The following CSRP2 variants were observed in gnomAD, a reference collection of about 807,000 sequenced individuals.
CSRP2 encodes cysteine and glycine rich protein 2.
In CSRP2, 18 loss-of-function variants were observed where a neutral mutation model predicts 24.6. The observed-to-expected ratio is 0.73, with a 90% CI of 0.51 to 1.09. The LOEUF (loss-of-function observed/expected upper bound fraction) is 1.09. Ranked by LOEUF, CSRP2 falls within the 50% of genes least tolerant of loss-of-function variation. The pLI is 0.00. For synonymous variants in CSRP2, 87 were observed against 84.3 expected (o/e 1.03, Z -0.18); for missense variants, 215 against 239.4 (o/e 0.90, Z 0.67).
At chr12:76,873,285 G>GT (rs1953819562) in intron 1 of CSRP2, among the ~76,000 whole-genome samples, 4 of 152,216 alleles carry the variant, frequency 2.6e-5, no homozygotes, top group Non-Finnish European at 1.5e-5. Context: ...GTTAAAGAAT[G>GT]TAAGTTAGTA....
chr12:76,859,597 C>T lies in CSRP2; in HGVS notation c.455G>A (p.Ser152Asn), dbSNP rs1448856257. The T allele has an allele frequency of 3.1e-6, 5 of 1,613,184 alleles. No homozygotes were observed. Among genetic ancestry groups the T allele is most frequent in the Non-Finnish European group, 3.4e-6 (4 of 1,179,880 alleles). ...TTCAGTCAGAGTTGTTGATTCAAGA[C>T]TCTTCCCACACTTTGCACATCGGAA... is the stretch of plus-strand genomic sequence containing the variant. Reference protein sequence around the residue: ...NCFRCAKCGKSLESTTLTEKE... With the variant: ...NCFRCAKCGKNLESTTLTEKE... The change falls in exon 5 of 6, where the codon AGT becomes AAT. Residue 152 changes from serine (S) to asparagine (N), a missense_variant. Transcript: ENST00000311083.
chr12:76,858,850 T>G lies in CSRP2; in HGVS notation c.*102A>C. On this transcript the variant is annotated 3_prime_UTR_variant, in exon 6 of 6. Coordinates refer to ENST00000311083, the MANE Select transcript of CSRP2 (RefSeq NM_001321.3). ...CCAAGTACAGGGCGATATACAGTACTTAATGCTGGTAGAATTTCACAGTAG... is the reference window on the plus strand; with the variant it reads ...CCAAGTACAGGGCGATATACAGTACGTAATGCTGGTAGAATTTCACAGTAG... The G allele has an allele frequency of 3.7e-6, 4 of 1,090,460 alleles. No individual in the cohort carries two copies. The highest frequency in any genetic ancestry group is 5.6e-6 in the Non-Finnish European group (4 of 716,578). 67.5% of individuals were successfully genotyped at this position (1,090,460 alleles called of 1,614,324 possible). A position where few individuals can be genotyped will look rare whatever the true frequency, so the allele number is the denominator to read the frequency against.
chr12:76,865,270 G>A (rs1005878759), intron 2 of CSRP2, among the ~76,000 whole-genome samples: 1 of 152,144 alleles, frequency 6.6e-6, no homozygotes, highest in African/African-American at 2.4e-5. Flanking sequence ...TTGGTTACAA[G>A]CCTGCTGAAA....
intron 1 of CSRP2, among the ~76,000 whole-genome samples, chr12:76,868,911 C>T (rs781287694): frequency 8.6e-4 from 120 of 139,356 alleles, no homozygotes; most frequent in Non-Finnish European, 1.6e-3. Flanking sequence ...CCAGCCTGGG[C>T]GACAGAGCGA....
intron 1 of CSRP2, among the ~76,000 whole-genome samples, chr12:76,868,977 G>T (rs1487188545): frequency 6.6e-6 from 1 of 151,858 alleles, no homozygotes; most frequent in Non-Finnish European, 1.5e-5. Context: ...GTTTTAGATG[G>T]TACTGACTCT....
chr12:76,862,935 C>G (rs535477155), intron 3 of CSRP2: 22 of 1,508,990 alleles, frequency 1.5e-5, no homozygotes, highest in African/African-American at 2.8e-5. Context: ...TTTGAGAACA[C>G]GACTCCTTGA....
intron 2 of CSRP2, 169 bp downstream of exon 2, chr12:76,865,980 T>C (rs1953730803): frequency 3.3e-6 from 2 of 600,846 alleles, no homozygotes; most frequent in East Asian, 2.9e-5. Flanking sequence ...CCACCCCTCC[T>C]GTCTTCGCTG....
intron 3 of CSRP2, 155 bp downstream of exon 3, chr12:76,863,019 ACT>A: frequency 7.0e-7 from 1 of 1,437,390 alleles, no homozygotes; most frequent in East Asian, 2.5e-5. Context: ...TAGGTCCAAA[ACT>A]CAATATTTTG....
rs773625473 is a variant in CSRP2, at chr12:76,860,313, C to T, written c.382G>A (p.Ala128Thr). The T allele has an allele frequency of 6.2e-7, 1 of 1,614,058 alleles. No individual in the cohort carries two copies. The highest frequency in any genetic ancestry group is 8.5e-7 in the Non-Finnish European group (1 of 1,179,988). The change falls in exon 4 of 6, where the codon GCT becomes ACT. Residue 128 changes from alanine to threonine, a missense_variant. Ala to Thr is a moderately conservative substitution (Grantham distance 58). Coordinates refer to ENST00000311083, the MANE Select transcript of CSRP2 (RefSeq NM_001321.3). ...CCAGCTCCAATTATCTTCTCGGCAG[C>T]ATATACAGAATCCCCACATCTGGAA... ...KCSRCGDSVY[A>T]AEKIIGAGKP...
chr12:76,859,658 G>A lies in CSRP2; in HGVS notation c.412-18C>T. 1 of 1,594,882 alleles carries A rather than the reference G, an allele frequency of 6.3e-7. No individual in the cohort carries two copies. Among genetic ancestry groups the A allele is most frequent in the Non-Finnish European group, 8.6e-7 (1 of 1,166,340 alleles). On this transcript the variant is annotated intron_variant, in intron 4 of 5. Coordinates refer to ENST00000311083, the MANE Select transcript of CSRP2 (RefSeq NM_001321.3). ...TGCCAGGGCTGGAAGAGATGAATGT[G>A]TCAGCATGTTTGAGAGGCCTGTTTC...
At chr12:76,878,659 A>G (rs1953875723) in intron 1 of CSRP2, among the ~76,000 whole-genome samples, 1 of 152,202 alleles carries the variant, frequency 6.6e-6, no homozygotes, top group African/African-American at 2.4e-5. Flanking sequence ...AGGTCATATA[A>G]GATTATTTAC....
At chr12:76,867,332 TAAAAAAAAAAAAAA>T (rs33997080) in intron 1 of CSRP2, among the ~76,000 whole-genome samples, 2 of 100,162 alleles carry the variant, frequency 2.0e-5, no homozygotes, top group Non-Finnish European at 1.9e-5. Context: ...CTGCTAAATT[TAAAAAAAAAAAAAA>T]AAAAAAAAAA....
At chr12:76,872,471 C>A (rs898881447) in intron 1 of CSRP2, among the ~76,000 whole-genome samples, 3 of 152,252 alleles carry the variant, frequency 2.0e-5, no homozygotes, top group African/African-American at 7.2e-5. Flanking sequence ...GCCAGGCCAG[C>A]AACCTTTGAT....
At chr12:76,862,888 G>C (rs1459181302) in intron 3 of CSRP2, 7 of 1,530,576 alleles carry the variant, frequency 4.6e-6, no homozygotes, top group Non-Finnish European at 6.1e-6. Context: ...CGGTCTCCAA[G>C]GTGCTGTGAA....
At chr12:76,862,625 C>G (rs1213594231) in intron 3 of CSRP2, 1 of 761,402 alleles carries the variant, frequency 1.3e-6, no homozygotes, top group Non-Finnish European at 1.8e-6. Flanking sequence ...TGAACTTTCA[C>G]AAATTTAGCA....
At position 76,863,298 on chromosome 12, in the gene CSRP2, A is replaced by T; in HGVS notation, c.159T>A (p.Asp53Glu). ...NLDSTTVAIH[D>E]EEIYCKSCYG... is the part of the protein sequence containing the mutation. ...AGCAGGATTTGCAGTAGATCTCTTC[A>T]TCGTGAATTGCCACTGTTGTGCTAT... Residue 53 changes from aspartate to glutamate, a missense_variant, in exon 3 of 6, where the codon GAT becomes GAA. Transcript: ENST00000311083. 1 of 1,614,230 alleles carries T rather than the reference A, an allele frequency of 6.2e-7. No homozygotes were observed. Among genetic ancestry groups the T allele is most frequent in the Non-Finnish European group, 8.5e-7 (1 of 1,180,044 alleles).
At chr12:76,866,914 C>T (rs912340229) in intron 1 of CSRP2, among the ~76,000 whole-genome samples, 3 of 152,154 alleles carry the variant, frequency 2.0e-5, no homozygotes, top group South Asian at 2.1e-4. Context: ...CAGATGGCTC[C>T]GGCTTAAGTT....
intron 3 of CSRP2, chr12:76,862,256 C>T (rs891335795): frequency 4.6e-5 from 7 of 152,060 alleles, no homozygotes; most frequent in Admixed American, 1.3e-4. Context: ...GAGGAAATTC[C>T]AGGTTGGGCA....
At chr12:76,864,698 G>A (rs918660151) in intron 2 of CSRP2, 1 of 152,018 alleles carries the variant, frequency 6.6e-6, no homozygotes, top group Non-Finnish European at 1.5e-5. Context: ...AAAGAGGAGG[G>A]GAGGGAAGCA....
Sources: allele counts gnomAD v4.1 joint callset (sites outside exome capture counted in the v4.1 genomes callset), GRCh38; gene constraint gnomAD v4.1.1; transcripts MANE v1.5; gene names NCBI Gene and HGNC (gene_info 2026-07-23, HGNC 2026-07-21).